FRYL: variants seen among roughly 807,000 people sequenced by gnomAD.
The protein encoded by FRYL is FRY like transcription coactivator.
Under a neutral mutation model 351.2 loss-of-function variants are expected in FRYL, and 150 were observed. The observed-to-expected ratio is 0.43, with a 90% CI of 0.37 to 0.49. The LOEUF (loss-of-function observed/expected upper bound fraction) is 0.49, where lower values mean the gene tolerates loss of function less well. Ranked by LOEUF, FRYL falls within the 20% of genes least tolerant of loss-of-function variation. FRYL has a pLI of 0.00. For missense variants in FRYL, 3,036 were observed against 3,619.3 expected, an observed-to-expected ratio of 0.84 and a Z score of 4.13; for synonymous variants, 1,153 against 1,257.1, an observed-to-expected ratio of 0.92 and a Z score of 1.75.
At chr4:48,586,458 A>G (rs577903713) in intron 19 of FRYL, among the ~76,000 whole-genome samples, 163 bp downstream of exon 19, 1 of 152,304 alleles carries the variant, frequency 6.6e-6, no homozygotes, top group African/African-American at 2.4e-5. Flanking sequence ...TGTGTTTAAC[A>G]ACAACAAAAA....
At chr4:48,607,229 C>T (rs1449170954) in intron 9 of FRYL, among the ~76,000 whole-genome samples, 1 of 152,090 alleles carries the variant, frequency 6.6e-6, no homozygotes, top group Non-Finnish European at 1.5e-5. Context: ...CCCTTCCCCC[C>T]TATATATTAT....
At chr4:48,720,946 G>A (rs1256907655) in intron 1 of FRYL, among the ~76,000 whole-genome samples, 1 of 152,206 alleles carries the variant, frequency 6.6e-6, no homozygotes, top group Non-Finnish European at 1.5e-5. Flanking sequence ...GAAAATAGCA[G>A]TACTTGATAA....
chr4:48,569,990 T>G (rs1468518808), intron 27 of FRYL, among the ~76,000 whole-genome samples: 2 of 152,068 alleles, frequency 1.3e-5, no homozygotes, highest in African/African-American at 4.8e-5. Context: ...TTGTTTGCGT[T>G]TTTTATAGAG....
chr4:48,606,460 T>C lies in FRYL; in HGVS notation c.719A>G (p.Glu240Gly). Residue 240 changes from glutamate (E) to glycine (G), a missense_variant, in exon 10 of 64, where the codon GAA becomes GGA. Transcript: ENST00000358350. The stretch of plus-strand genomic sequence containing the variant: ...CACCTGCATAAATTGAAATGATGCT[T>C]CAAAATCTTCTACAGGATACATTTT... ...RVKMYPVEDF[E>G]ASFQFMQECA... 6.2e-7 allele frequency: 1 copy of C among 1,609,900 alleles called. No homozygotes were observed. The highest frequency in any genetic ancestry group is 8.5e-7 in the Non-Finnish European group (1 of 1,176,954).
At chr4:48,628,735 T>A (rs1431882807) in intron 4 of FRYL, among the ~76,000 whole-genome samples, 1 of 152,208 alleles carries the variant, frequency 6.6e-6, no homozygotes, top group East Asian at 1.9e-4. Context: ...ATATGCTAAT[T>A]AGCCTGGTCT....
At chr4:48,657,079 C>A (rs1288675457) in intron 3 of FRYL, among the ~76,000 whole-genome samples, 1 of 152,196 alleles carries the variant, frequency 6.6e-6, no homozygotes, top group African/African-American at 2.4e-5. Context: ...TTAACTAGGA[C>A]AACTACATAT....
chr4:48,505,896 T>C, intron 59 of FRYL: 1 of 311,642 alleles, frequency 3.2e-6, no homozygotes, highest in Non-Finnish European at 5.9e-6. Flanking sequence ...AGGATATTCT[T>C]CATTTTGCAG....
chr4:48,507,473 A>C (rs1721386308), intron 59 of FRYL, among the ~76,000 whole-genome samples: 1 of 151,740 alleles, frequency 6.6e-6, no homozygotes, highest in African/African-American at 2.4e-5. Flanking sequence ...AGAAAGAAAG[A>C]CCAATCCTGC....
chr4:48,652,882 T>A (rs537497096), intron 3 of FRYL, among the ~76,000 whole-genome samples: 1 of 152,344 alleles, frequency 6.6e-6, no homozygotes, highest in Non-Finnish European at 1.5e-5. Flanking sequence ...TCTTTGCCAC[T>A]GTATGACCTT....
At chr4:48,519,370 C>T (rs928134182) in intron 55 of FRYL, among the ~76,000 whole-genome samples, 1 of 152,152 alleles carries the variant, frequency 6.6e-6, no homozygotes, top group Non-Finnish European at 1.5e-5. Context: ...CTGGAATGTC[C>T]CAGTTACCAT....
chr4:48,686,111 ATT>A (rs555304670), intron 2 of FRYL, among the ~76,000 whole-genome samples: 1 of 152,206 alleles, frequency 6.6e-6, no homozygotes, highest in Non-Finnish European at 1.5e-5. Context: ...AATTAGCCTT[ATT>A]TTAAATAACC....
At position 48,564,078 on chromosome 4, in the gene FRYL, C is replaced by A. The variant is rs1578138743; in HGVS notation, c.3466G>T (p.Val1156Phe). The A allele has an allele frequency of 1.2e-6, 2 of 1,614,152 alleles. No homozygotes were observed. Among genetic ancestry groups the A allele is most frequent in the African/African-American group, 2.7e-5 (2 of 75,066 alleles). The change falls in exon 31 of 64, where the codon GTT becomes TTT. Residue 1156 changes from valine (V) to phenylalanine (F), a missense_variant. By Grantham distance (50) the Val-to-Phe change is conservative (BLOSUM62 -1). Coordinates refer to ENST00000358350, the MANE Select transcript of FRYL (RefSeq NM_015030.2). The stretch of plus-strand genomic sequence containing the variant: ...GGGTTCAGCTCCAGTAACAACGTAA[C>A]TGCTTCACAGCCCAGCTGGTGAACC... Reference protein sequence around the residue: ...KKVHQLGCEAVTLLLELNPDQ... With the variant: ...KKVHQLGCEAFTLLLELNPDQ...
At chr4:48,750,644 G>A (rs933984521) in intron 1 of FRYL, among the ~76,000 whole-genome samples, 20 of 152,084 alleles carry the variant, frequency 1.3e-4, no homozygotes, top group South Asian at 2.1e-4. Context: ...ATCTTCTAAC[G>A]AACTGAATGT....
chr4:48,694,769 G>A (rs1765994587), intron 2 of FRYL, among the ~76,000 whole-genome samples: 1 of 151,998 alleles, frequency 6.6e-6, no homozygotes, highest in South Asian at 2.1e-4. Flanking sequence ...GTAAATCCCT[G>A]GCCCAAAAAA....
At chr4:48,699,231 T>C (rs1429221408) in intron 2 of FRYL, among the ~76,000 whole-genome samples, 2 of 152,216 alleles carry the variant, frequency 1.3e-5, no homozygotes, top group Non-Finnish European at 1.5e-5. Flanking sequence ...GCAATTATGA[T>C]TTCAATATGT....
At chr4:48,709,808 G>A (rs893798275) in intron 2 of FRYL, among the ~76,000 whole-genome samples, 7 of 152,122 alleles carry the variant, frequency 4.6e-5, no homozygotes, top group Non-Finnish European at 2.9e-5. Flanking sequence ...CACTCTATCT[G>A]CCTTTCATCT....
At chr4:48,573,045 T>A in intron 26 of FRYL, 141 bp downstream of exon 26, 1 of 604,552 alleles carries the variant, frequency 1.7e-6, no homozygotes, top group Non-Finnish European at 2.9e-6. Flanking sequence ...GCATAAGATC[T>A]TCTGCGGGGA....
At chr4:48,684,461 G>A (rs536058453) in intron 3 of FRYL, among the ~76,000 whole-genome samples, 3 of 152,102 alleles carry the variant, frequency 2.0e-5, no homozygotes, top group Non-Finnish European at 2.9e-5. Flanking sequence ...ATTTATTACT[G>A]ACAGGATCTA....
intron 3 of FRYL, among the ~76,000 whole-genome samples, chr4:48,679,553 G>A (rs1356474300): frequency 6.6e-6 from 1 of 151,928 alleles, no homozygotes; most frequent in Non-Finnish European, 1.5e-5. Context: ...GAAGGTGGGG[G>A]AATAGGGAGA....
Sources: gnomAD v4.1 joint callset for allele counts (sites outside exome capture counted in the v4.1 genomes callset) on GRCh38, gnomAD v4.1.1 for gene constraint, MANE v1.5 for transcripts, NCBI Gene and HGNC (gene_info 2026-07-23, HGNC 2026-07-21) for gene names.